Variants in PKP2 observed in about 807,000 individuals in gnomAD.
PKP2 encodes the protein plakophilin 2.
In PKP2, 73 loss-of-function variants were observed where a neutral mutation model predicts 83.4. That is an observed-to-expected ratio of 0.88 (90% CI 0.72 to 1.06). PKP2 has a LOEUF of 1.06. Ranked by LOEUF, PKP2 falls within the 50% of genes least tolerant of loss-of-function variation. PKP2 has a pLI of 0.00. For synonymous variants in PKP2, 409 were observed against 430.4 expected (o/e 0.95, Z 0.62); for missense variants, 966 against 1,065.4 (o/e 0.91, Z 1.30).
chr12:32,855,794 A>AAAAAAAAAAAAAAAAAAAAG (rs1459718298), intron 4 of PKP2, among the ~76,000 whole-genome samples: 3 of 148,288 alleles, frequency 2.0e-5, no homozygotes, highest in African/African-American at 7.7e-5. Context: ...AAAAAAAAAA[A>AAAAAAAAAAAAAAAAAAAAG]AGGAAGAAAA....
At chr12:32,876,999 G>A (rs995138833) in intron 3 of PKP2, among the ~76,000 whole-genome samples, 9 of 152,218 alleles carry the variant, frequency 5.9e-5, no homozygotes, top group African/African-American at 2.2e-4. Flanking sequence ...CCTGGTCAGT[G>A]AGCATGCTGT....
At chr12:32,820,015 T>C (rs1956362069) in intron 9 of PKP2, 1 of 152,180 alleles carries the variant, frequency 6.6e-6, no homozygotes, top group Non-Finnish European at 1.5e-5. Context: ...ACGTGATTCA[T>C]TAGTGTCCCT....
chr12:32,843,343 C>G (rs777613375), intron 5 of PKP2: 6 of 1,363,120 alleles, frequency 4.4e-6, no homozygotes, highest in Non-Finnish European at 5.9e-6. Flanking sequence ...AGCATAGGTA[C>G]TCAGGGCAGG....
At chr12:32,887,383 T>C (rs576626193) in intron 1 of PKP2, among the ~76,000 whole-genome samples, 75 of 152,308 alleles carry the variant, frequency 4.9e-4, no homozygotes, top group Middle Eastern at 3.4e-3. Context: ...GATATACCAA[T>C]TTATGACATT....
chr12:32,818,452 C>A (rs761028468), intron 9 of PKP2, among the ~76,000 whole-genome samples: 1 of 152,084 alleles, frequency 6.6e-6, no homozygotes, highest in Admixed American at 6.5e-5. Context: ...CAGAATGAGA[C>A]TCTGTCTCAA....
At chr12:32,805,609 G>T (rs1270351840) in intron 9 of PKP2, among the ~76,000 whole-genome samples, 2 of 152,154 alleles carry the variant, frequency 1.3e-5, no homozygotes, top group Non-Finnish European at 2.9e-5. Context: ...AGATCAGATT[G>T]TTGTAGGTGT....
chr12:32,828,145 T>G (rs958345072), intron 6 of PKP2, among the ~76,000 whole-genome samples: 1 of 152,230 alleles, frequency 6.6e-6, no homozygotes, highest in African/African-American at 2.4e-5. Context: ...GCAATGTGAC[T>G]TGTAATGGGG....
intron 11 of PKP2, among the ~76,000 whole-genome samples, chr12:32,795,363 C>T (rs931746897): frequency 2.0e-5 from 3 of 151,526 alleles, no homozygotes; most frequent in African/African-American, 7.3e-5. Context: ...CCTGTGTCAT[C>T]ACTGCTGCTG....
At chr12:32,880,217 A>T (rs1318444806) in intron 1 of PKP2, among the ~76,000 whole-genome samples, 2 of 151,840 alleles carry the variant, frequency 1.3e-5, no homozygotes, top group African/African-American at 2.4e-5. Context: ...CCTGGCCAAC[A>T]TGGTGAAACC....
chr12:32,825,778 G>C (rs1272892443), intron 6 of PKP2, among the ~76,000 whole-genome samples: 1 of 152,072 alleles, frequency 6.6e-6, no homozygotes, highest in Non-Finnish European at 1.5e-5. Context: ...GGTGGCATGT[G>C]CCTGTAGTCC....
intron 8 of PKP2, among the ~76,000 whole-genome samples, chr12:32,822,017 A>G (rs145905601): frequency 6.6e-6 from 1 of 152,328 alleles, no homozygotes; most frequent in African/African-American, 2.4e-5. Context: ...ATGGAAATAA[A>G]TATGTATTCC....
At chr12:32,804,890 AT>A (rs1956214450) in intron 9 of PKP2, among the ~76,000 whole-genome samples, 1 of 152,192 alleles carries the variant, frequency 6.6e-6, no homozygotes, top group African/African-American at 2.4e-5. Context: ...GTTCTCCACA[AT>A]GGTTGAACTA....
In PKP2 at chr12:32,811,027, A is replaced by T. The variant is rs1177332587; in HGVS notation, c.2014-8471T>A. On this transcript the variant is annotated intron_variant, in intron 9 of 12. Coordinates refer to ENST00000340811, the MANE Select transcript of PKP2 (RefSeq NM_001005242.3). ...AGAATTTCAGCTGGGAGATGAGCAG[A>T]ACAGTTGTCATGTAATAACAAAATC... is the stretch of plus-strand genomic sequence containing the variant. Among the ~76,000 whole-genome samples, 9 of 152,242 alleles carry T rather than the reference A, an allele frequency of 5.9e-5. No individual in the cohort carries two copies. In the South Asian group the frequency reaches 1.2e-3, roughly 21 times the overall value.
At chr12:32,871,743 C>A (rs1304725800) in intron 3 of PKP2, among the ~76,000 whole-genome samples, 1 of 152,048 alleles carries the variant, frequency 6.6e-6, no homozygotes, top group African/African-American at 2.4e-5. Flanking sequence ...GGATTACAGG[C>A]GTGGGCCACC....
intron 2 of PKP2, 40 bp from the exon 3 acceptor site, chr12:32,878,583 C>T (rs1226063141): frequency 6.6e-7 from 1 of 1,510,042 alleles, no homozygotes; most frequent in South Asian, 1.2e-5. Flanking sequence ...GGGCATAAAT[C>T]AAATTTCAAC....
intron 9 of PKP2, among the ~76,000 whole-genome samples, chr12:32,810,637 G>A (rs1956268366): frequency 6.6e-6 from 1 of 151,772 alleles, no homozygotes; most frequent in Non-Finnish European, 1.5e-5. Flanking sequence ...TGGCTAAATT[G>A]ATGAAGTCAC....
chr12:32,866,670 A>G (rs919465900), intron 4 of PKP2, among the ~76,000 whole-genome samples: 1 of 152,002 alleles, frequency 6.6e-6, no homozygotes, highest in Non-Finnish European at 1.5e-5. Flanking sequence ...GGCTCACTAT[A>G]TCAAATGTTA....
At chr12:32,857,839 T>C (rs1956762828) in intron 4 of PKP2, among the ~76,000 whole-genome samples, 1 of 151,498 alleles carries the variant, frequency 6.6e-6, no homozygotes, top group Non-Finnish European at 1.5e-5. Flanking sequence ...ATTTAAGAGA[T>C]AGTAGAAATC....
chr12:32,836,896 C>A (rs964979884), intron 6 of PKP2, among the ~76,000 whole-genome samples: 12 of 152,156 alleles, frequency 7.9e-5, no homozygotes, highest in Non-Finnish European at 1.5e-4. Flanking sequence ...CCATGGAGTT[C>A]TTTTCTTACA....
Sources: allele counts gnomAD v4.1 joint callset (sites outside exome capture counted in the v4.1 genomes callset), GRCh38; gene constraint gnomAD v4.1.1; transcripts MANE v1.5; gene names NCBI Gene and HGNC (gene_info 2026-07-23, HGNC 2026-07-21).